Variants in SUPT3H observed in about 807,000 individuals in gnomAD.
SUPT3H encodes the protein transcription initiation protein SPT3 homolog.
In SUPT3H, 44 loss-of-function variants were observed where a neutral mutation model predicts 44.3. The ratio of observed to expected loss-of-function variants is 0.99; its 90% CI spans 0.78 to 1.28. The LOEUF (loss-of-function observed/expected upper bound fraction) is 1.28, where lower values mean the gene tolerates loss of function less well. Ranked by LOEUF, SUPT3H falls within the 50% of genes most tolerant of loss-of-function variation. SUPT3H has a pLI of 0.00. For missense variants in SUPT3H, 380 were observed against 387.1 expected (o/e 0.98, Z 0.15); for synonymous variants, 124 against 125.6 (o/e 0.99, Z 0.09).
At chr6:45,274,761 G>A (rs1776741641) in intron 2 of SUPT3H, among the ~76,000 whole-genome samples, 1 of 152,094 alleles carries the variant, frequency 6.6e-6, no homozygotes, top group Non-Finnish European at 1.5e-5. Context: ...TTGTATGCCT[G>A]TACTCCCAGC....
chr6:45,376,125 T>C (rs1796738976), intron 1 of SUPT3H, among the ~76,000 whole-genome samples: 1 of 152,246 alleles, frequency 6.6e-6, no homozygotes. Flanking sequence ...CAGTTAATAC[T>C]GTCATAGCTC....
At chr6:44,910,420 T>A (rs1766828322) in intron 10 of SUPT3H, among the ~76,000 whole-genome samples, 2 of 152,202 alleles carry the variant, frequency 1.3e-5, no homozygotes, top group South Asian at 4.1e-4. Flanking sequence ...ATTTTCCAAT[T>A]AAATGACAAA....
chr6:45,230,881 C>A (rs1767908786), intron 2 of SUPT3H, among the ~76,000 whole-genome samples: 1 of 151,502 alleles, frequency 6.6e-6, no homozygotes, highest in Admixed American at 6.6e-5. Flanking sequence ...CCATGTTGGC[C>A]AGGATGGTCT....
intron 2 of SUPT3H, among the ~76,000 whole-genome samples, chr6:45,243,254 A>G (rs1770726342): frequency 1.3e-5 from 2 of 150,762 alleles, no homozygotes; most frequent in South Asian, 4.2e-4. Context: ...TCAAGAATTT[A>G]AAATGAGCAG....
chr6:45,061,518 A>T (rs1792026402), intron 3 of SUPT3H, among the ~76,000 whole-genome samples: 1 of 152,156 alleles, frequency 6.6e-6, no homozygotes, highest in South Asian at 2.1e-4. Context: ...TGATGGGTTG[A>T]TCTGTGCAGC....
intron 2 of SUPT3H, among the ~76,000 whole-genome samples, chr6:45,329,842 CTT>C (rs1218045236): frequency 6.6e-6 from 1 of 151,940 alleles, no homozygotes; most frequent in Non-Finnish European, 1.5e-5. Context: ...ACAAGATTCT[CTT>C]TATGATCTCC....
chr6:45,328,707 TG>T (rs1786852344), intron 2 of SUPT3H: 3 of 1,611,662 alleles, frequency 1.9e-6, no homozygotes, highest in African/African-American at 2.7e-5. Context: ...AAGTTCTATC[TG>T]AAAAAAAAAG....
chr6:45,054,799 T>C (rs1562349851), intron 3 of SUPT3H, among the ~76,000 whole-genome samples: 1 of 152,140 alleles, frequency 6.6e-6, no homozygotes. Flanking sequence ...CTGAGCAGAC[T>C]ATGAAGTGAA....
At chr6:45,342,589 G>A (rs773146984) in intron 2 of SUPT3H, among the ~76,000 whole-genome samples, 2 of 152,092 alleles carry the variant, frequency 1.3e-5, no homozygotes, top group Middle Eastern at 3.2e-3. Context: ...AATAATATGA[G>A]AGTGCCTCTA....
chr6:45,231,916 T>C (rs1434379683), intron 2 of SUPT3H, among the ~76,000 whole-genome samples: 1 of 152,188 alleles, frequency 6.6e-6, no homozygotes, highest in East Asian at 1.9e-4. Flanking sequence ...AAGGAATTCA[T>C]CAGTTCCAGA....
At chr6:44,925,999 T>A (rs971222911) in intron 10 of SUPT3H, among the ~76,000 whole-genome samples, 12 of 152,174 alleles carry the variant, frequency 7.9e-5, no homozygotes, top group Non-Finnish European at 1.6e-4. Flanking sequence ...GTATTCTTTA[T>A]ATATTCAGGT....
At chr6:45,073,176 T>A (rs533342258) in intron 3 of SUPT3H, among the ~76,000 whole-genome samples, 1 of 152,160 alleles carries the variant, frequency 6.6e-6, no homozygotes, top group Admixed American at 6.5e-5. Flanking sequence ...ATGAGCAGTG[T>A]CATTCAAACA....
chr6:44,960,194 G>T (rs1301238862), intron 7 of SUPT3H, among the ~76,000 whole-genome samples: 2 of 151,988 alleles, frequency 1.3e-5, no homozygotes, highest in Non-Finnish European at 2.9e-5. Context: ...CTCACCTGAG[G>T]TCAGGAGTTC....
At chr6:44,902,372 G>C (rs569758847) in intron 10 of SUPT3H, among the ~76,000 whole-genome samples, 7 of 152,092 alleles carry the variant, frequency 4.6e-5, no homozygotes, top group African/African-American at 1.4e-4. Context: ...GGATTGCAGG[G>C]GTTGCAATCC....
intron 2 of SUPT3H, among the ~76,000 whole-genome samples, chr6:45,198,058 T>C (rs1816377504): frequency 5.3e-5 from 8 of 151,358 alleles, no homozygotes; most frequent in Admixed American, 5.3e-4. Flanking sequence ...TCTCAACTTA[T>C]CTTTTGGTCT....
chr6:45,309,340 C>G, intron 2 of SUPT3H, among the ~76,000 whole-genome samples: 1 of 151,244 alleles, frequency 6.6e-6, no homozygotes, highest in East Asian at 2.0e-4. Flanking sequence ...AATTCCAAAG[C>G]CGAAAAACAC....
At chr6:44,920,388 A>T (rs1768496232) in intron 10 of SUPT3H, among the ~76,000 whole-genome samples, 1 of 152,056 alleles carries the variant, frequency 6.6e-6, no homozygotes, top group Non-Finnish European at 1.5e-5. Flanking sequence ...TCCGGGCAAG[A>T]GAGTGAGACC....
At chr6:44,981,182 G>T (rs1309313620) in intron 6 of SUPT3H, among the ~76,000 whole-genome samples, 1 of 152,166 alleles carries the variant, frequency 6.6e-6, no homozygotes. Context: ...TACACTACAG[G>T]ATATGAGGGG....
rs1423949227 is a variant in SUPT3H, at chr6:45,255,421, T to TC, written c.101+109779_101+109780insG. Among the ~76,000 whole-genome samples, 27 of 149,234 alleles carry TC rather than the reference T, an allele frequency of 1.8e-4. No individual in the cohort carries two copies. The South Asian group carries it at 5.9e-3, about 32-fold the overall frequency. On this transcript the variant is annotated intron_variant, in intron 2 of 10. Transcript: ENST00000371459. Reference sequence around the variant, plus strand: ...TCTTAACAACAACCTATAATAGGTTTTTTTTTTTTTTTTTTTCAGTCAGGT... The same window carrying TC: ...TCTTAACAACAACCTATAATAGGTTTCTTTTTTTTTTTTTTTTCAGTCAGGT...
Sources: allele counts gnomAD v4.1 joint callset (sites outside exome capture counted in the v4.1 genomes callset), GRCh38; gene constraint gnomAD v4.1.1; transcripts MANE v1.5; gene names NCBI Gene and HGNC (gene_info 2026-07-23, HGNC 2026-07-21).